The following CHST11 variants were observed in gnomAD, a reference collection of about 807,000 sequenced individuals.
CHST11 encodes the protein C4S-1.
A neutral mutation model predicts 30.4 loss-of-function variants in CHST11; 9 were observed. That is an observed-to-expected ratio of 0.30 (90% CI 0.18 to 0.52). The LOEUF (loss-of-function observed/expected upper bound fraction) is 0.52. Among genes scored for constraint, CHST11 ranks in the 20% least tolerant of loss-of-function variants. The pLI is 0.97. For synonymous variants in CHST11, 152 were observed against 187.8 expected (o/e 0.81, Z 1.56); for missense variants, 348 against 460.6 (o/e 0.76, Z 2.24).
intron 2 of CHST11, among the ~76,000 whole-genome samples, chr12:104,714,519 G>A (rs1025744789): frequency 1.3e-5 from 2 of 152,170 alleles, no homozygotes; most frequent in South Asian, 2.1e-4. Flanking sequence ...CCTGATAAAT[G>A]TGAGGAATTT....
intron 2 of CHST11, among the ~76,000 whole-genome samples, chr12:104,722,155 AGTGTGTGTGTGTGTGTGT>A (rs57545833): frequency 9.4e-5 from 13 of 137,590 alleles, no homozygotes; most frequent in Admixed American, 8.4e-4. Context: ...CACTCAGCTA[AGTGTGTGTGTGTGTGTGT>A]GTGTGTGTGT....
intron 1 of CHST11, among the ~76,000 whole-genome samples, chr12:104,587,756 GATTTATTTATTTATTT>G (rs71829896): frequency 2.0e-4 from 29 of 147,776 alleles, no homozygotes; most frequent in South Asian, 1.1e-3. Context: ...TGAATCTTAA[GATTTATTTATTTATTT>G]ATTTATTTAT....
At chr12:104,512,182 C>A (rs1309656327) in intron 1 of CHST11, among the ~76,000 whole-genome samples, 1 of 152,096 alleles carries the variant, frequency 6.6e-6, no homozygotes, top group African/African-American at 2.4e-5. Context: ...TATACAAAAT[C>A]ACTGTTAGTG....
chr12:104,636,112 G>C (rs910248019), intron 2 of CHST11, among the ~76,000 whole-genome samples: 3 of 152,204 alleles, frequency 2.0e-5, no homozygotes, highest in Non-Finnish European at 2.9e-5. Context: ...ATTGAGGCCT[G>C]GAGAGTTCAG....
intron 2 of CHST11, among the ~76,000 whole-genome samples, chr12:104,630,130 G>A (rs755681679): frequency 1.3e-5 from 2 of 151,926 alleles, no homozygotes; most frequent in Non-Finnish European, 2.9e-5. Context: ...AAATCCCTTC[G>A]CCCTTGCTGT....
rs142422926 is a variant in CHST11, at chr12:104,561,915, G to A, written c.119-39991G>A. 4.4e-3 allele frequency among the ~76,000 whole-genome samples: 665 copies of A among 151,640 alleles called. 8 individuals carry two copies. The highest frequency in any genetic ancestry group is 0.014 in the African/African-American group (585 of 41,310). On this transcript the variant is annotated intron_variant, in intron 1 of 2. Coordinates refer to ENST00000303694, the MANE Select transcript of CHST11 (RefSeq NM_018413.6). Reference sequence around the variant, plus strand: ...AAGCGATTCTCCTGCCTCAGCCTCCGGAGTAGCTGGGATTAGGGAGACTGA... The same window carrying A: ...AAGCGATTCTCCTGCCTCAGCCTCCAGAGTAGCTGGGATTAGGGAGACTGA...
chr12:104,553,454 T>TAATTGA (rs1242379073), intron 1 of CHST11: 2 of 152,332 alleles, frequency 1.3e-5, no homozygotes, highest in East Asian at 3.8e-4. Context: ...CAAAGAGGTT[T>TAATTGA]AATTGACCTA....
chr12:104,587,029 T>C (rs2038812452), intron 1 of CHST11, among the ~76,000 whole-genome samples: 1 of 152,210 alleles, frequency 6.6e-6, no homozygotes, highest in Non-Finnish European at 1.5e-5. Flanking sequence ...GGGTAGGGGC[T>C]GGTTCTCCTT....
chr12:104,584,678 T>TTTAGC (rs1555234122), intron 1 of CHST11, among the ~76,000 whole-genome samples: 16 of 151,834 alleles, frequency 1.1e-4, no homozygotes, highest in Non-Finnish European at 2.9e-5. Context: ...AAGTGGTTAA[T>TTTAGC]TTAAACTCCA....
In CHST11 at chr12:104,757,761, A is replaced by G. The variant is rs769230407; in HGVS notation, c.1017A>G (p.Leu339=). Residue 339 remains leucine, a synonymous_variant, in exon 3 of 3, where the codon TTA becomes TTG. Coordinates refer to ENST00000303694, the MANE Select transcript of CHST11 (RefSeq NM_018413.6). This position sits in a 1 kb window ranked among gnomAD's most constrained non-coding sequence, Gnocchi z 6.5. ...QLYEVYKLDF[L]MFNYSVPSYL... ...ACGAAGTCTACAAACTCGATTTTTT[A>G]ATGTTCAATTACTCAGTGCCAAGCT... 1.2e-6 allele frequency: 2 copies of G among 1,614,168 alleles called. No homozygotes were observed. The highest frequency in any genetic ancestry group is 2.2e-5 in the East Asian group (1 of 44,880).
At chr12:104,502,241 C>G (rs527831924) in intron 1 of CHST11, among the ~76,000 whole-genome samples, 2 of 152,060 alleles carry the variant, frequency 1.3e-5, no homozygotes, top group Non-Finnish European at 2.9e-5. Context: ...GGGCAGTGGT[C>G]TTGCTGTGTT....
chr12:104,761,700 C>G lies in CHST11; in HGVS notation c.*3897C>G, dbSNP rs1470523726. Reference sequence around the variant, plus strand: ...CGCTTAACCCTTGGCTGATAACAGGCAAATTTCAGTCTGCTACACTTTGTT... The same window carrying G: ...CGCTTAACCCTTGGCTGATAACAGGGAAATTTCAGTCTGCTACACTTTGTT... On this transcript the variant is annotated 3_prime_UTR_variant, in exon 3 of 3. Coordinates refer to ENST00000303694, the MANE Select transcript of CHST11 (RefSeq NM_018413.6). The G allele has an allele frequency of 6.6e-6, 1 of 152,234 alleles. No homozygotes were observed. The highest frequency in any genetic ancestry group is 1.5e-5 in the Non-Finnish European group (1 of 68,056). 9.4% of individuals were successfully genotyped at this position (152,234 alleles called of 1,614,324 possible). A position where few individuals can be genotyped will look rare whatever the true frequency, so the allele number is the denominator to read the frequency against.
chr12:104,585,846 C>T (rs754854769), intron 1 of CHST11, among the ~76,000 whole-genome samples: 3 of 152,174 alleles, frequency 2.0e-5, no homozygotes, highest in Non-Finnish European at 2.9e-5. Context: ...CTTCTGGTGG[C>T]TCCCAGCAAT....
rs1352158769 is a variant in CHST11 at position 104,457,396 on chromosome 12, CA to C, written c.-15del. 1.2e-6 allele frequency: 2 copies of C among 1,600,520 alleles called. No individual in the cohort carries two copies. Among genetic ancestry groups the C allele is most frequent in the African/African-American group, 2.7e-5 (2 of 74,644 alleles). ...CGCTTCCCGGACACCCCGGTCCCCG[CA>C]GCCAGGACAAAGCCATGAAGCCAGC... is the stretch of plus-strand genomic sequence containing the variant. On this transcript the variant is annotated 5_prime_UTR_variant, in exon 1 of 3. Coordinates refer to ENST00000303694, the MANE Select transcript of CHST11 (RefSeq NM_018413.6).
chr12:104,549,517 A>T (rs1047076581), intron 1 of CHST11, among the ~76,000 whole-genome samples: 20 of 152,296 alleles, frequency 1.3e-4, no homozygotes, highest in African/African-American at 4.8e-4. Flanking sequence ...CAAACAAAAG[A>T]GATTACAAGT....
At chr12:104,654,613 G>A (rs2039525330) in intron 2 of CHST11, among the ~76,000 whole-genome samples, 1 of 152,030 alleles carries the variant, frequency 6.6e-6, no homozygotes, top group Admixed American at 6.6e-5. Flanking sequence ...CATTCCTATG[G>A]GGGGTAATGT....
intron 2 of CHST11, among the ~76,000 whole-genome samples, chr12:104,719,185 T>C (rs1372501729): frequency 6.6e-6 from 1 of 152,196 alleles, no homozygotes; most frequent in East Asian, 1.9e-4. Flanking sequence ...CTCCGCAACG[T>C]ACTGTCTTCT....
rs117379993 is a variant in CHST11, at chr12:104,627,942, A to T, written c.204+25951A>T. On this transcript the variant is annotated intron_variant, in intron 2 of 2. Coordinates refer to ENST00000303694, the MANE Select transcript of CHST11 (RefSeq NM_018413.6). ...GTGCTTTACACACATTATTTCAATC[A>T]TCACAACTCTTTAAGGCAGACACTC... is the stretch of plus-strand genomic sequence containing the variant. 7.3e-3 allele frequency among the ~76,000 whole-genome samples: 1,116 copies of T among 152,316 alleles called. 54 individuals carry two copies. In the East Asian group the frequency reaches 0.11, roughly 16 times the overall value.
At chr12:104,527,352 G>A (rs529127452) in intron 1 of CHST11, among the ~76,000 whole-genome samples, 1 of 152,272 alleles carries the variant, frequency 6.6e-6, no homozygotes, top group South Asian at 2.1e-4. Flanking sequence ...TTGACCGATG[G>A]GGTATATTTC....
Sources: gnomAD v4.1 joint callset for allele counts (sites outside exome capture counted in the v4.1 genomes callset) on GRCh38, gnomAD v4.1.1 for gene constraint, Gnocchi (gnomAD v3.1) non-coding constraint, MANE v1.5 for transcripts, NCBI Gene and HGNC (gene_info 2026-07-23, HGNC 2026-07-21) for gene names.